The following MTIF2 variants were observed in gnomAD, a reference collection of about 807,000 sequenced individuals.
MTIF2 encodes translation initiation factor IF-2, mitochondrial.
Under a neutral mutation model 83.5 loss-of-function variants are expected in MTIF2, and 71 were observed. The ratio of observed to expected loss-of-function variants is 0.85; its 90% CI spans 0.70 to 1.04. The LOEUF (loss-of-function observed/expected upper bound fraction) is 1.04. Ranked by LOEUF, MTIF2 falls within the 50% of genes least tolerant of loss-of-function variation. MTIF2 has a pLI of 0.00. For missense variants in MTIF2, 957 were observed against 846.5 expected, an observed-to-expected ratio of 1.13 and a Z score of -1.62; for synonymous variants, 319 against 287.1, an observed-to-expected ratio of 1.11 and a Z score of -1.12.
At position 55,244,014 on chromosome 2, in the gene MTIF2, T is replaced by C; in HGVS notation, c.1311+15A>G. The C allele has an allele frequency of 6.2e-7, 1 of 1,602,036 alleles. No homozygotes were observed. Among genetic ancestry groups the C allele is most frequent in the Non-Finnish European group, 8.5e-7 (1 of 1,171,170 alleles). ...TTATATTATATCTAATATATAGGAA[T>C]TAAGCTTGATACACCTCAGATTCTA... On this transcript the variant is annotated intron_variant, in intron 11 of 15. Coordinates refer to ENST00000263629, the MANE Select transcript of MTIF2 (RefSeq NM_002453.3).
intron 9 of MTIF2, 82 bp from the exon 10 acceptor site, chr2:55,246,543 A>G: frequency 8.3e-7 from 1 of 1,203,644 alleles, no homozygotes; most frequent in Non-Finnish European, 1.2e-6. Context: ...AAGTCACATA[A>G]TACTTGCAAG....
intron 3 of MTIF2, among the ~76,000 whole-genome samples, chr2:55,267,269 G>T (rs1165451901): frequency 2.6e-5 from 4 of 152,010 alleles, no homozygotes; most frequent in African/African-American, 7.2e-5. Flanking sequence ...GGATTCTCCT[G>T]CCTCAGCCTC....
Position 55,243,485 on chromosome 2 carries a change from C to A in MTIF2, c.1495G>T (p.Glu499Ter). 1 of 1,613,960 alleles carries A rather than the reference C, an allele frequency of 6.2e-7. No individual in the cohort carries two copies. Reference sequence around the variant, plus strand: ...TCTTTTGGCTTTAAGGGTATTTGTTCTTTTCTTTCTAAAAACCGTAGAATT... The same window carrying A: ...TCTTTTGGCTTTAAGGGTATTTGTTATTTTCTTTCTAAAAACCGTAGAATT... ...RSILRFLERK[E>*]QIPLKPKEKR... Residue 499 changes from glutamate (E) to a stop codon, truncating the protein, a stop_gained, in exon 12 of 16, where the codon GAA becomes TAA. Coordinates refer to ENST00000263629, the MANE Select transcript of MTIF2 (RefSeq NM_002453.3). LOFTEE classifies it high-confidence loss of function.
Position 55,265,120 on chromosome 2 carries a change from G to T in MTIF2, c.-7-1255C>A, listed in dbSNP as rs181419636. ...CAGCCGGACATGGTGGCGGGCGCCT[G>T]CAATCCCAGCTACCCAGAAGGCTGA... is the stretch of plus-strand genomic sequence containing the variant. On this transcript the variant is annotated intron_variant, in intron 3 of 15. Transcript: ENST00000263629. Among the ~76,000 whole-genome samples, 72 of 151,750 alleles carry T rather than the reference G, an allele frequency of 4.7e-4. 1 individual carries two copies. The highest frequency in any genetic ancestry group is 1.6e-3 in the African/African-American group (68 of 41,386).
At chr2:55,256,074 C>T (rs1298450279) in intron 5 of MTIF2, among the ~76,000 whole-genome samples, 2 of 152,054 alleles carry the variant, frequency 1.3e-5, no homozygotes, top group Non-Finnish European at 2.9e-5. Flanking sequence ...AGGGTTTCAC[C>T]ATGTTGGCTA....
In MTIF2 at chr2:55,250,897, G is replaced by T. The variant is rs190692863; in HGVS notation, c.842-1363C>A. Among the ~76,000 whole-genome samples, 4 of 152,146 alleles carry T rather than the reference G, an allele frequency of 2.6e-5. No homozygotes were observed. The East Asian group carries it at 7.7e-4, about 29-fold the overall frequency. On this transcript the variant is annotated intron_variant, in intron 8 of 15. Coordinates refer to ENST00000263629, the MANE Select transcript of MTIF2 (RefSeq NM_002453.3). ...TTGGGAGGTGGGTGGATCACCTGAG[G>T]TCAGGAGTTTGAGACCAACCTGGCC...
chr2:55,258,606 G>A (rs1677720566), intron 5 of MTIF2, among the ~76,000 whole-genome samples: 1 of 152,156 alleles, frequency 6.6e-6, no homozygotes, highest in Non-Finnish European at 1.5e-5. Flanking sequence ...GAGGTCAGGA[G>A]TTTGAGACCA....
chr2:55,243,284 A>C, intron 12 of MTIF2, 132 bp downstream of exon 12: 1 of 1,108,940 alleles, frequency 9.0e-7, no homozygotes, highest in Non-Finnish European at 1.3e-6. Flanking sequence ...ATCAGCAAGA[A>C]ATATGTTGAC....
chr2:55,258,776 C>T (rs1431328521), intron 5 of MTIF2, among the ~76,000 whole-genome samples: 1 of 144,294 alleles, frequency 6.9e-6, no homozygotes, highest in African/African-American at 2.6e-5. Context: ...CGTATCACTG[C>T]ACTCCAGACT....
chr2:55,238,805 C>T (rs557659117), intron 14 of MTIF2, among the ~76,000 whole-genome samples: 1 of 152,282 alleles, frequency 6.6e-6, no homozygotes, highest in East Asian at 1.9e-4. Context: ...TTAGTGTTAT[C>T]TGACTGGTGT....
At chr2:55,267,903 CGAGTA>C (rs1342073503) in intron 2 of MTIF2, 3 of 152,118 alleles carry the variant, frequency 2.0e-5, no homozygotes, top group African/African-American at 7.2e-5. Flanking sequence ...AAGGCTTATT[CGAGTA>C]AAGATCAAGG....
At chr2:55,266,696 A>C (rs1285304706) in intron 3 of MTIF2, among the ~76,000 whole-genome samples, 2 of 149,482 alleles carry the variant, frequency 1.3e-5, no homozygotes, top group African/African-American at 4.9e-5. Context: ...TGATGTGACC[A>C]AAGAAATTAA....
intron 3 of MTIF2, among the ~76,000 whole-genome samples, chr2:55,265,952 A>G (rs1359856286): frequency 6.6e-6 from 1 of 152,170 alleles, no homozygotes; most frequent in African/African-American, 2.4e-5. Flanking sequence ...TTTGCTTTGT[A>G]TTAGGTATCA....
At chr2:55,249,849 T>G (rs528217966) in intron 8 of MTIF2, among the ~76,000 whole-genome samples, 17 of 152,174 alleles carry the variant, frequency 1.1e-4, no homozygotes, top group African/African-American at 4.1e-4. Context: ...CCTAGCACTT[T>G]GGGAAGCTGA....
intron 3 of MTIF2, among the ~76,000 whole-genome samples, chr2:55,267,217 C>T (rs1029717416): frequency 3.9e-5 from 6 of 151,910 alleles, no homozygotes; most frequent in Non-Finnish European, 5.9e-5. Context: ...AGTGCAATGG[C>T]GTGATCTTGG....
intron 7 of MTIF2, 126 bp downstream of exon 7, chr2:55,253,915 C>A (rs1252853812): frequency 7.9e-5 from 80 of 1,007,078 alleles, no homozygotes; most frequent in Non-Finnish European, 1.0e-4. Context: ...TACATTTCAT[C>A]AAACTAATGA....
At chr2:55,265,046 T>A (rs1022689195) in intron 3 of MTIF2, among the ~76,000 whole-genome samples, 1 of 151,822 alleles carries the variant, frequency 6.6e-6, no homozygotes, top group Non-Finnish European at 1.5e-5. Context: ...AGTTCGAGAC[T>A]AGCCTGGCCA....
intron 8 of MTIF2, among the ~76,000 whole-genome samples, chr2:55,251,249 G>C (rs532919146): frequency 6.6e-6 from 1 of 152,104 alleles, no homozygotes; most frequent in South Asian, 2.1e-4. Context: ...GCTTTGTAAT[G>C]GGATCCCTGG....
intron 7 of MTIF2, 140 bp downstream of exon 7, chr2:55,253,901 G>A: frequency 1.2e-6 from 1 of 855,006 alleles, no homozygotes; most frequent in South Asian, 1.9e-5. Flanking sequence ...CTAACCACTT[G>A]CTCTACATTT....
Sources: allele counts gnomAD v4.1 joint callset (sites outside exome capture counted in the v4.1 genomes callset), GRCh38; gene constraint gnomAD v4.1.1; transcripts MANE v1.5; gene names NCBI Gene and HGNC (gene_info 2026-07-23, HGNC 2026-07-21).